Variants in KCND3 observed in about 807,000 individuals in gnomAD.
KCND3 encodes the protein potassium voltage-gated channel subfamily D member 3.
KCND3 carries 9 observed loss-of-function variants against 51.1 expected under a neutral mutation model. That is an observed-to-expected ratio of 0.18 (90% CI 0.11 to 0.31). The LOEUF is 0.31. Ranked by LOEUF, KCND3 falls within the 10% of genes least tolerant of loss-of-function variation. The pLI is 1.00. For missense variants in KCND3, 526 were observed against 903.8 expected (o/e 0.58, Z 5.36); for synonymous variants, 349 against 368.0 (o/e 0.95, Z 0.59).
chr1:111,776,505 C>A (rs939610675), intron 7 of KCND3, among the ~76,000 whole-genome samples: 1 of 152,172 alleles, frequency 6.6e-6, no homozygotes, highest in Non-Finnish European at 1.5e-5. Flanking sequence ...ATGTACATCA[C>A]CCCCACCAGT....
At chr1:111,979,853 C>T (rs1674843867) in intron 2 of KCND3, among the ~76,000 whole-genome samples, 1 of 152,158 alleles carries the variant, frequency 6.6e-6, no homozygotes. Context: ...GTGGCTATCA[C>T]CATGCCTGTT....
At chr1:111,809,900 C>T (rs1665771878) in intron 2 of KCND3, among the ~76,000 whole-genome samples, 1 of 152,180 alleles carries the variant, frequency 6.6e-6, no homozygotes, top group Non-Finnish European at 1.5e-5. Context: ...GCCCATCCTG[C>T]TCTAGAAGCC....
At chr1:111,940,056 T>TCG (rs1181494328) in intron 2 of KCND3, among the ~76,000 whole-genome samples, 1 of 148,678 alleles carries the variant, frequency 6.7e-6, no homozygotes, top group African/African-American at 2.5e-5. Context: ...TTTATATCCT[T>TCG]CGCCTACTTT....
chr1:111,892,529 G>C (rs56181424), intron 2 of KCND3, among the ~76,000 whole-genome samples: 13,508 of 152,260 alleles, frequency 0.089, 659 homozygotes, highest in East Asian at 0.18. Flanking sequence ...GTGCCAGGCT[G>C]TTTTCTGGGC....
chr1:111,793,349 G>C (rs980972520), intron 2 of KCND3, among the ~76,000 whole-genome samples: 1 of 151,792 alleles, frequency 6.6e-6, no homozygotes, highest in Non-Finnish European at 1.5e-5. Context: ...CTAATTTTTT[G>C]TATTTTTTTA....
At chr1:111,983,018 G>T (rs1675059016) in intron 1 of KCND3, among the ~76,000 whole-genome samples, 1 of 152,190 alleles carries the variant, frequency 6.6e-6, no homozygotes, top group Non-Finnish European at 1.5e-5. Flanking sequence ...GGGATCGCCA[G>T]ATGTTGCTGA....
chr1:111,969,884 G>C (rs2101957096), intron 2 of KCND3, among the ~76,000 whole-genome samples: 1 of 152,256 alleles, frequency 6.6e-6, no homozygotes, highest in East Asian at 1.9e-4. Flanking sequence ...ATGCTGGATG[G>C]CTGCCCCTGT....
chr1:111,827,609 G>C (rs1193372403), intron 2 of KCND3, among the ~76,000 whole-genome samples: 2 of 152,138 alleles, frequency 1.3e-5, no homozygotes, highest in Non-Finnish European at 2.9e-5. Flanking sequence ...AACTTTACAT[G>C]TAAAGATCTT....
At chr1:111,940,822 C>T (rs780786057) in intron 2 of KCND3, among the ~76,000 whole-genome samples, 3 of 152,220 alleles carry the variant, frequency 2.0e-5, no homozygotes, top group Non-Finnish European at 2.9e-5. Context: ...CAGGCATTCA[C>T]ATTTTTTAAT....
At chr1:111,832,014 A>G (rs1026206443) in intron 2 of KCND3, among the ~76,000 whole-genome samples, 1 of 152,170 alleles carries the variant, frequency 6.6e-6, no homozygotes, top group African/African-American at 2.4e-5. Context: ...GGGATCCTCA[A>G]TGGGGGGAAT....
At chr1:111,989,327 G>A (rs1394553094) in intron 1 of KCND3, among the ~76,000 whole-genome samples, 178 bp downstream of exon 1, 2 of 151,144 alleles carry the variant, frequency 1.3e-5, no homozygotes, top group Non-Finnish European at 3.0e-5. Flanking sequence ...GACGCCCCCG[G>A]GCCGGCTGTC....
chr1:111,922,355 G>A (rs761727197), intron 2 of KCND3, among the ~76,000 whole-genome samples: 2 of 152,212 alleles, frequency 1.3e-5, no homozygotes, highest in African/African-American at 2.4e-5. Context: ...GTCAGGACAG[G>A]AGGGGTTCTT....
chr1:111,859,629 G>C (rs543180145), intron 2 of KCND3, among the ~76,000 whole-genome samples: 1 of 152,316 alleles, frequency 6.6e-6, no homozygotes, highest in African/African-American at 2.4e-5. Flanking sequence ...ATACAGCCAG[G>C]AAGTACTTCC....
chr1:111,773,338 C>G lies in KCND3; in HGVS notation c.*2739G>C, dbSNP rs547354215. Reference sequence around the variant, plus strand: ...TGTTGAATCTGTCACTATTCTAACCCTGTAATGATCTGTTCTTAAATTCAT... The same window carrying G: ...TGTTGAATCTGTCACTATTCTAACCGTGTAATGATCTGTTCTTAAATTCAT... On this transcript the variant is annotated 3_prime_UTR_variant, in exon 8 of 8. Transcript: ENST00000302127. 1.1e-4 allele frequency: 16 copies of G among 151,964 alleles called. No individual in the cohort carries two copies. The highest frequency in any genetic ancestry group is 3.9e-4 in the African/African-American group (16 of 41,468). 9.4% of individuals were successfully genotyped at this position (151,964 alleles called of 1,614,324 possible).
chr1:111,821,169 C>G lies in KCND3; in HGVS notation c.1107-34063G>C, dbSNP rs1571692351. ...TGCTGTCTTCAGATGATTAGGTGCT[C>G]AGTAAATGCCTGTGGAATGCACCAC... On this transcript the variant is annotated intron_variant, in intron 2 of 7. Transcript: ENST00000302127. 3.3e-5 allele frequency among the ~76,000 whole-genome samples: 5 copies of G among 152,246 alleles called. No homozygotes were observed. The East Asian group carries it at 9.6e-4, about 29-fold the overall frequency.
intron 2 of KCND3, among the ~76,000 whole-genome samples, chr1:111,847,963 G>T (rs1033203093): frequency 6.6e-6 from 1 of 152,154 alleles, no homozygotes; most frequent in Non-Finnish European, 1.5e-5. Flanking sequence ...ACCTGCCTAG[G>T]CCTCGCCTCT....
In KCND3 at chr1:111,814,511, C is replaced by T. The variant is rs191744013; in HGVS notation, c.1107-27405G>A. 5.3e-4 allele frequency among the ~76,000 whole-genome samples: 80 copies of T among 152,334 alleles called. No homozygotes were observed. In the Middle Eastern group the frequency reaches 0.017, roughly 32 times the overall value. ...TCGACATAACTTAGCACGAGCTCTG[C>T]GTATACCTTGCTGGGTGCTCGGTAG... On this transcript the variant is annotated intron_variant, in intron 2 of 7. Coordinates refer to ENST00000302127, the MANE Select transcript of KCND3 (RefSeq NM_001378969.1).
chr1:111,810,145 C>T (rs574559290), intron 2 of KCND3, among the ~76,000 whole-genome samples: 2 of 152,276 alleles, frequency 1.3e-5, no homozygotes, highest in South Asian at 4.2e-4. Flanking sequence ...GTGTGAGGGG[C>T]CTCCTGAATC....
At chr1:111,879,546 T>C (rs1183190857) in intron 2 of KCND3, among the ~76,000 whole-genome samples, 2 of 152,182 alleles carry the variant, frequency 1.3e-5, no homozygotes, top group South Asian at 2.1e-4. Context: ...GCATGTGCTA[T>C]GGGGCTGAAA....
Sources: gnomAD v4.1 joint callset for allele counts (sites outside exome capture counted in the v4.1 genomes callset) on GRCh38, gnomAD v4.1.1 for gene constraint, MANE v1.5 for transcripts, NCBI Gene and HGNC (gene_info 2026-07-23, HGNC 2026-07-21) for gene names.